Variants in TATDN2 observed in about 807,000 individuals in gnomAD.
TATDN2 encodes 3'-5' RNA nuclease TATDN2.
Under a neutral mutation model 60.3 loss-of-function variants are expected in TATDN2, and 44 were observed. That is an observed-to-expected ratio of 0.73 (90% CI 0.57 to 0.94). The LOEUF is 0.94. Ranked by LOEUF, TATDN2 falls within the 40% of genes least tolerant of loss-of-function variation. The pLI, the probability that TATDN2 is intolerant of heterozygous loss-of-function variation, is 0.00. For missense variants in TATDN2, 997 were observed against 948.0 expected (o/e 1.05, Z -0.68); for synonymous variants, 399 against 355.8 (o/e 1.12, Z -1.37).
intron 2 of TATDN2, among the ~76,000 whole-genome samples, chr3:10,256,447 A>G (rs1305320775): frequency 2.0e-5 from 3 of 151,742 alleles, no homozygotes; most frequent in Non-Finnish European, 4.4e-5. Flanking sequence ...AAGTGCTGGA[A>G]TTGCAGGCAT....
chr3:10,255,023 C>CCCTCCT (rs1188649741), intron 2 of TATDN2, among the ~76,000 whole-genome samples: 1 of 138,442 alleles, frequency 7.2e-6, no homozygotes, highest in East Asian at 2.5e-4. Context: ...CTCCCCCTCC[C>CCCTCCT]CCTCCCCCTC....
intron 3 of TATDN2, among the ~76,000 whole-genome samples, chr3:10,268,294 G>A (rs958400324): frequency 6.6e-6 from 1 of 152,250 alleles, no homozygotes; most frequent in Non-Finnish European, 1.5e-5. Context: ...TCCTGTTAGA[G>A]TGTAGTTAGG....
At chr3:10,266,948 T>TTTTTTTTTTTTA (rs1576012221) in intron 3 of TATDN2, among the ~76,000 whole-genome samples, 10 of 142,082 alleles carry the variant, frequency 7.0e-5, no homozygotes, top group East Asian at 2.2e-4. Context: ...TTTTTTTTTT[T>TTTTTTTTTTTTA]GAGACAGAGT....
At chr3:10,249,709 A>T (rs1227220266) in intron 2 of TATDN2, 95 bp downstream of exon 2, 3 of 1,348,712 alleles carry the variant, frequency 2.2e-6, no homozygotes, top group Non-Finnish European at 2.9e-6. Context: ...ACTACAAAAC[A>T]TTACATCCTT....
intron 4 of TATDN2, among the ~76,000 whole-genome samples, chr3:10,273,839 C>CAT (rs1698599343): frequency 6.6e-6 from 1 of 152,182 alleles, no homozygotes; most frequent in Admixed American, 6.5e-5. Flanking sequence ...CTATGTAACT[C>CAT]ATAAGAGTTA....
chr3:10,263,892 C>T (rs1022111348), intron 3 of TATDN2, among the ~76,000 whole-genome samples: 1 of 152,204 alleles, frequency 6.6e-6, no homozygotes, highest in Non-Finnish European at 1.5e-5. Flanking sequence ...TTCCCCTTGC[C>T]ATGTCACTGC....
Position 10,278,534 on chromosome 3 carries a change from G to T in TATDN2, c.2145+72G>T. On this transcript the variant is annotated intron_variant, in intron 6 of 7. Transcript: ENST00000448281. This position sits in a 1 kb window ranked among gnomAD's most constrained non-coding sequence, Gnocchi z 4.7. ...GGGAGGTGGGTGGTCACCCTTACAA[G>T]GTTGGCAGGGCCAGAGCCCCAGTGA... 1.3e-6 allele frequency: 2 copies of T among 1,587,052 alleles called. No individual in the cohort carries two copies. Among genetic ancestry groups the T allele is most frequent in the South Asian group, 1.1e-5 (1 of 89,596 alleles).
In TATDN2 at chr3:10,280,185, C is replaced by G. The variant is rs1190457608; in HGVS notation, c.*1003C>G. 6.5e-6 allele frequency: 1 copy of G among 153,838 alleles called. No individual in the cohort carries two copies. The highest frequency in any genetic ancestry group is 1.5e-5 in the Non-Finnish European group (1 of 68,100). 9.5% of individuals were successfully genotyped at this position (153,838 alleles called of 1,614,324 possible). Reference sequence around the variant, plus strand: ...CCGAAGCTCTGCTGGGCAGCTCAGCCATGTTACATTGTCTATGCAGAATAA... The same window carrying G: ...CCGAAGCTCTGCTGGGCAGCTCAGCGATGTTACATTGTCTATGCAGAATAA... On this transcript the variant is annotated 3_prime_UTR_variant, in exon 8 of 8. Coordinates refer to ENST00000448281, the MANE Select transcript of TATDN2 (RefSeq NM_014760.4).
chr3:10,252,546 C>G (rs556044074), intron 2 of TATDN2, among the ~76,000 whole-genome samples: 9 of 152,174 alleles, frequency 5.9e-5, no homozygotes, highest in Admixed American at 2.0e-4. Context: ...ACCTCTTCCT[C>G]CCTTGCTCTG....
intron 4 of TATDN2, among the ~76,000 whole-genome samples, chr3:10,271,815 G>A (rs1375220833): frequency 2.8e-5 from 4 of 143,874 alleles, no homozygotes; most frequent in Non-Finnish European, 6.3e-5. Context: ...CTCCGCCTCC[G>A]CCTCCTGGGT....
chr3:10,252,971 C>T (rs1396566780), intron 2 of TATDN2, among the ~76,000 whole-genome samples: 1 of 151,694 alleles, frequency 6.6e-6, no homozygotes, highest in Non-Finnish European at 1.5e-5. Context: ...ATTCTCCTTC[C>T]TCAGCCTCCC....
chr3:10,273,472 G>A (rs971980145), intron 4 of TATDN2, among the ~76,000 whole-genome samples: 1 of 151,994 alleles, frequency 6.6e-6, no homozygotes, highest in African/African-American at 2.4e-5. Flanking sequence ...AGAACCTATA[G>A]AGGGCTGGGC....
chr3:10,255,796 G>C (rs1434381677), intron 2 of TATDN2, among the ~76,000 whole-genome samples: 1 of 152,192 alleles, frequency 6.6e-6, no homozygotes, highest in Non-Finnish European at 1.5e-5. Context: ...ACGAAATGTA[G>C]CTGGGTGTGG....
In TATDN2 at chr3:10,272,719, G is replaced by A. The variant is rs565324247; in HGVS notation, c.1833+1704G>A. Among the ~76,000 whole-genome samples the A allele has an allele frequency of 5.8e-4, 86 of 148,086 alleles. 2 individuals are homozygous for A. The South Asian group carries it at 0.018, about 31-fold the overall frequency. On this transcript the variant is annotated intron_variant, in intron 4 of 7. Coordinates refer to ENST00000448281, the MANE Select transcript of TATDN2 (RefSeq NM_014760.4). ...AGCCTGGCCAACGTGGCGAAACCCC[G>A]TCTCTATTAAAAATACAAAAATTAG... is the stretch of plus-strand genomic sequence containing the variant.
Position 10,260,566 on chromosome 3 carries a change from A to C in TATDN2, c.844A>C (p.Lys282Gln). Residue 282 changes from lysine to glutamine, a missense_variant, in exon 3 of 8, where the codon AAA becomes CAA. Coordinates refer to ENST00000448281, the MANE Select transcript of TATDN2 (RefSeq NM_014760.4). ...GAGAGTAGTTATAGACCCTCAAGAGAAACCCAGTGAGGAGCCCCTTGGGGA... is the reference window on the plus strand; with the variant it reads ...GAGAGTAGTTATAGACCCTCAAGAGCAACCCAGTGAGGAGCCCCTTGGGGA... ...DRRVVIDPQE[K>Q]PSEEPLGDRR... The C allele has an allele frequency of 6.2e-7, 1 of 1,614,180 alleles. No homozygotes were observed. The highest frequency in any genetic ancestry group is 1.1e-5 in the South Asian group (1 of 91,078).
At chr3:10,253,625 A>C (rs1698261996) in intron 2 of TATDN2, among the ~76,000 whole-genome samples, 1 of 152,244 alleles carries the variant, frequency 6.6e-6, no homozygotes, top group Non-Finnish European at 1.5e-5. Context: ...GAGTTGAAAG[A>C]ATGGAAGGGA....
At chr3:10,272,881 A>G (rs1698586256) in intron 4 of TATDN2, among the ~76,000 whole-genome samples, 1 of 151,898 alleles carries the variant, frequency 6.6e-6, no homozygotes, top group Non-Finnish European at 1.5e-5. Flanking sequence ...CCAAAAAAAA[A>G]AAAAAAAATT....
At chr3:10,258,441 C>G (rs1698348064) in intron 2 of TATDN2, among the ~76,000 whole-genome samples, 1 of 151,420 alleles carries the variant, frequency 6.6e-6, no homozygotes, top group Admixed American at 6.6e-5. Context: ...CCACGCCTGG[C>G]TAATTTTTGT....
intron 4 of TATDN2, among the ~76,000 whole-genome samples, chr3:10,271,980 C>T (rs1223855686): frequency 4.6e-5 from 7 of 151,810 alleles, no homozygotes; most frequent in South Asian, 4.2e-4. Flanking sequence ...CCACCTGCCT[C>T]GGCGTCCGAA....
Sources: gnomAD v4.1 joint callset for allele counts (sites outside exome capture counted in the v4.1 genomes callset) on GRCh38, gnomAD v4.1.1 for gene constraint, Gnocchi (gnomAD v3.1) non-coding constraint, MANE v1.5 for transcripts, NCBI Gene and HGNC (gene_info 2026-07-23, HGNC 2026-07-21) for gene names.